The following PLAA variants were observed in gnomAD, a reference collection of about 807,000 sequenced individuals.
PLAA encodes phospholipase A2 activating protein, also known as phospholipase A-2-activating protein.
A neutral mutation model predicts 84.1 loss-of-function variants in PLAA; 48 were observed. The ratio of observed to expected loss-of-function variants is 0.57; its 90% CI spans 0.45 to 0.73. The LOEUF is 0.73. Among genes scored for constraint, PLAA ranks in the 30% least tolerant of loss-of-function variants. The pLI is 0.00. For missense variants in PLAA, 903 were observed against 954.7 expected (o/e 0.95, Z 0.71); for synonymous variants, 392 against 336.6 (o/e 1.16, Z -1.80).
intron 5 of PLAA, 101 bp downstream of exon 5, chr9:26,926,292 G>A: frequency 1.3e-6 from 1 of 741,184 alleles, no homozygotes; most frequent in South Asian, 2.0e-5. Context: ...TCAAGTCATA[G>A]ATAGTAAATT....
intron 10 of PLAA, 121 bp from the exon 11 acceptor site, chr9:26,914,068 A>C (rs1451619053): frequency 4.5e-6 from 3 of 660,274 alleles, no homozygotes; most frequent in Admixed American, 5.0e-5. Context: ...ATACATAATA[A>C]ATATGCCACA....
At chr9:26,939,419 A>G (rs1825454738) in intron 1 of PLAA, among the ~76,000 whole-genome samples, 2 of 151,164 alleles carry the variant, frequency 1.3e-5, no homozygotes, top group South Asian at 4.2e-4. Flanking sequence ...AAATAAATAA[A>G]CAAACATATA....
In PLAA at chr9:26,903,885, A is replaced by G. The variant is rs912727409; in HGVS notation, c.*1626T>C. ...TTCTTATCATTATTCAAAGGTACCT[A>G]CTTTTCCTAAATATTGCAATTAAAT... On this transcript the variant is annotated 3_prime_UTR_variant, in exon 14 of 14. Transcript: ENST00000397292. Among the ~76,000 whole-genome samples the G allele has an allele frequency of 4.6e-5, 7 of 152,188 alleles. No homozygotes were observed. The highest frequency in any genetic ancestry group is 1.7e-4 in the African/African-American group (7 of 41,454).
At chr9:26,911,634 T>G (rs1354910352) in intron 11 of PLAA, among the ~76,000 whole-genome samples, 1 of 152,202 alleles carries the variant, frequency 6.6e-6, no homozygotes, top group Non-Finnish European at 1.5e-5. Context: ...GTCTCTATTA[T>G]ATTAACAGAA....
At chr9:26,939,117 C>T (rs1825443956) in intron 1 of PLAA, among the ~76,000 whole-genome samples, 3 of 152,060 alleles carry the variant, frequency 2.0e-5, no homozygotes, top group African/African-American at 4.8e-5. Context: ...GGCCGGGCGC[C>T]GTGGCTCACG....
At chr9:26,906,116 A>T (rs1824229377) in intron 13 of PLAA, 40 bp from the exon 14 acceptor site, 1 of 1,303,320 alleles carries the variant, frequency 7.7e-7, no homozygotes, top group Non-Finnish European at 1.0e-6. Flanking sequence ...ATGAAAATAA[A>T]GAAAATTTCT....
rs201444490 is a variant in PLAA, at chr9:26,923,287, G to C, written c.930C>G (p.Ile310Met). The change falls in exon 7 of 14, where the codon ATC (isoleucine) becomes ATG (methionine). Residue 310 changes from isoleucine to methionine, a missense_variant. Ile to Met is a conservative substitution (Grantham distance 10). Transcript: ENST00000397292. ...SEDRTASAEE[I>M]KAFEKELSHA... is the part of the protein sequence containing the mutation. ...GAGACAGTTCTTTTTCAAAAGCCTTGATTTCTTCAGCACTTGCTGTTCGAT... is the reference window on the plus strand; with the variant it reads ...GAGACAGTTCTTTTTCAAAAGCCTTCATTTCTTCAGCACTTGCTGTTCGAT... 1.6e-4 allele frequency: 266 copies of C among 1,613,560 alleles called. No individual in the cohort carries two copies. The highest frequency in any genetic ancestry group is 5.9e-6 in the Non-Finnish European group (7 of 1,179,710).
intron 10 of PLAA, among the ~76,000 whole-genome samples, chr9:26,914,819 C>T (rs1350238013): frequency 2.0e-5 from 3 of 152,184 alleles, no homozygotes; most frequent in South Asian, 2.1e-4. Context: ...TTTCTGACCA[C>T]CTGAATGAAT....
In PLAA at chr9:26,947,130, G is replaced by T; in HGVS notation, c.-85C>A. 1 of 1,383,986 alleles carries T rather than the reference G, an allele frequency of 7.2e-7. No individual in the cohort carries two copies. Among genetic ancestry groups the T allele is most frequent in the South Asian group, 1.6e-5 (1 of 64,042 alleles). 85.7% of individuals were successfully genotyped at this position (1,383,986 alleles called of 1,614,324 possible). A position where few individuals can be genotyped will look rare whatever the true frequency, so the allele number is the denominator to read the frequency against. On this transcript the variant is annotated 5_prime_UTR_variant, in exon 1 of 14. Coordinates refer to ENST00000397292, the MANE Select transcript of PLAA (RefSeq NM_001031689.3). Reference sequence around the variant, plus strand: ...GACTCGGAGAGCGCCGGGCCGCGGCGGGAGAAGAGCCTGCAGGTAAGGGGC... The same window carrying T: ...GACTCGGAGAGCGCCGGGCCGCGGCTGGAGAAGAGCCTGCAGGTAAGGGGC...
Position 26,904,933 on chromosome 9 carries a change from A to G in PLAA, c.*578T>C, listed in dbSNP as rs977506004. On this transcript the variant is annotated 3_prime_UTR_variant, in exon 14 of 14. Transcript: ENST00000397292. ...CAGCTTACCAACTGGCTTTTTCTTCATCTAAAAATAGGCCATTAAACAAAT... is the reference window on the plus strand; with the variant it reads ...CAGCTTACCAACTGGCTTTTTCTTCGTCTAAAAATAGGCCATTAAACAAAT... 6.6e-6 allele frequency: 1 copy of G among 152,136 alleles called. No individual in the cohort carries two copies. Among genetic ancestry groups the G allele is most frequent in the African/African-American group, 2.4e-5 (1 of 41,448 alleles). 9.4% of individuals were successfully genotyped at this position (152,136 alleles called of 1,614,324 possible). A position where few individuals can be genotyped will look rare whatever the true frequency, so the allele number is the denominator to read the frequency against.
At chr9:26,921,521 C>A (rs1824758980) in intron 7 of PLAA, among the ~76,000 whole-genome samples, 1 of 152,140 alleles carries the variant, frequency 6.6e-6, no homozygotes, top group Non-Finnish European at 1.5e-5. Context: ...TGGTTGACTA[C>A]AAAAAGAAAA....
intron 10 of PLAA, chr9:26,916,397 G>A (rs575349960): frequency 2.0e-6 from 2 of 986,946 alleles, no homozygotes; most frequent in East Asian, 2.3e-4. Flanking sequence ...TCCAACTCTG[G>A]CACTTTTTCC....
intron 1 of PLAA, among the ~76,000 whole-genome samples, chr9:26,938,619 T>C (rs1825433248): frequency 6.8e-6 from 1 of 147,196 alleles, no homozygotes. Context: ...CTGTAAGAAA[T>C]GCTTAAAGGA....
Position 26,923,469 on chromosome 9 carries a change from T to G in PLAA, c.870-122A>C, listed in dbSNP as rs555276512. On this transcript the variant is annotated intron_variant, in intron 6 of 13. Transcript: ENST00000397292. Reference sequence around the variant, plus strand: ...GAATATGAGAAATATTAGCATGTTATTAATTGCTGATTACAGCACTGTGCT... The same window carrying G: ...GAATATGAGAAATATTAGCATGTTAGTAATTGCTGATTACAGCACTGTGCT... 5.5e-6 allele frequency: 4 copies of G among 728,326 alleles called. No individual in the cohort carries two copies. In the East Asian group the frequency reaches 7.8e-5, roughly 14 times the overall value. The allele number at this position is 728,326 out of a possible 1,614,324, so 45.1% of individuals were successfully genotyped here.
At chr9:26,907,036 G>GAAAAA (rs59918176) in intron 13 of PLAA, among the ~76,000 whole-genome samples, 18 of 90,518 alleles carry the variant, frequency 2.0e-4, no homozygotes, top group African/African-American at 3.6e-4. Flanking sequence ...ACATTTTATT[G>GAAAAA]AAAAAAAAAA....
At chr9:26,920,171 CTT>C in intron 8 of PLAA, 54 bp downstream of exon 8, 1 of 1,472,232 alleles carries the variant, frequency 6.8e-7, no homozygotes, top group South Asian at 1.2e-5. Flanking sequence ...CAAAGGAAAC[CTT>C]TAATTTGCCT....
At chr9:26,928,649 C>T (rs12345031) in intron 2 of PLAA, among the ~76,000 whole-genome samples, 1,857 of 152,336 alleles carry the variant, frequency 0.012, 37 homozygotes, top group African/African-American at 0.042. Context: ...AGAAATATTA[C>T]TCAAAATCAG....
intron 6 of PLAA, among the ~76,000 whole-genome samples, 194 bp from the exon 7 acceptor site, chr9:26,923,541 G>A (rs1824842159): frequency 6.6e-6 from 1 of 152,202 alleles, no homozygotes. Flanking sequence ...TAATAGAGAA[G>A]TTATTGACAA....
rs150112670 is a variant in PLAA, at chr9:26,921,371, T to C, written c.1040-987A>G. Among the ~76,000 whole-genome samples, 13 of 152,340 alleles carry C rather than the reference T, an allele frequency of 8.5e-5. No homozygotes were observed. The East Asian group carries it at 1.9e-3, about 23-fold the overall frequency. On this transcript the variant is annotated intron_variant, in intron 7 of 13. Transcript: ENST00000397292. ...GACTACATTATCTAGTCCCCTTGCA[T>C]TGGGCAGTCACATGATGTCACATTA...
Sources: allele counts gnomAD v4.1 joint callset (sites outside exome capture counted in the v4.1 genomes callset), GRCh38; gene constraint gnomAD v4.1.1; transcripts MANE v1.5; gene names NCBI Gene and HGNC (gene_info 2026-07-23, HGNC 2026-07-21).